Variants in CNTNAP4 observed in about 807,000 individuals in gnomAD.
CNTNAP4 encodes the protein contactin associated protein family member 4.
CNTNAP4 carries 98 observed loss-of-function variants against 148.4 expected under a neutral mutation model. That is an observed-to-expected ratio of 0.66 (90% CI 0.56 to 0.78). CNTNAP4 has a LOEUF of 0.78. CNTNAP4 is among the 30% of genes least tolerant of loss of function. The pLI is 0.00. For synonymous variants in CNTNAP4, 730 were observed against 565.1 expected, an observed-to-expected ratio of 1.29 and a Z score of -4.14; for missense variants, 1,935 against 1,565.6, an observed-to-expected ratio of 1.24 and a Z score of -3.98.
At chr16:76,361,152 TTAA>T (rs2013391494) in intron 3 of CNTNAP4, among the ~76,000 whole-genome samples, 1 of 151,960 alleles carries the variant, frequency 6.6e-6, no homozygotes, top group African/African-American at 2.4e-5. Flanking sequence ...AAAAAAAAAC[TTAA>T]CATGAAATCT....
At chr16:76,283,638 A>G (rs1425292985) in intron 1 of CNTNAP4, among the ~76,000 whole-genome samples, 2 of 151,920 alleles carry the variant, frequency 1.3e-5, no homozygotes, top group African/African-American at 4.8e-5. Flanking sequence ...GAGGGAAACA[A>G]CACACACTGG....
Position 76,448,951 on chromosome 16 carries a change from G to A in CNTNAP4, c.927G>A (p.Glu309=), listed in dbSNP as rs1234030561. ...GEFNLMNLDY[E]ISFGGIPAPG... ...TCAATCTCATGAATCTTGATTATGAGGTGTGATGGTTATGTTTCAATTAAT... is the reference window on the plus strand; with the variant it reads ...TCAATCTCATGAATCTTGATTATGAAGTGTGATGGTTATGTTTCAATTAAT... Residue 309 remains glutamate (E), a splice_region_variant and synonymous_variant, in exon 6 of 24, where the codon GAG becomes GAA. Coordinates refer to ENST00000611870, the MANE Select transcript of CNTNAP4 (RefSeq NM_033401.5). The A allele has an allele frequency of 6.2e-7, 1 of 1,611,752 alleles. No individual in the cohort carries two copies. The highest frequency in any genetic ancestry group is 1.3e-5 in the African/African-American group (1 of 74,850).
chr16:76,482,418 C>A (rs1302838192), intron 12 of CNTNAP4, among the ~76,000 whole-genome samples: 1 of 144,456 alleles, frequency 6.9e-6, no homozygotes, highest in Non-Finnish European at 1.5e-5. Flanking sequence ...AGATCATAAG[C>A]TCTGTTTTAC....
At chr16:76,424,341 A>G (rs8043542) in intron 3 of CNTNAP4, among the ~76,000 whole-genome samples, 59,274 of 151,952 alleles carry the variant, frequency 0.39, 11,755 homozygotes, top group Middle Eastern at 0.49. Flanking sequence ...GCAAGAAATT[A>G]TAATTAGGGA....
intron 2 of CNTNAP4, among the ~76,000 whole-genome samples, chr16:76,349,124 T>C (rs2144431841): frequency 6.6e-6 from 1 of 152,254 alleles, no homozygotes. Context: ...GATCTTGTTT[T>C]CAGAACTTGA....
intron 3 of CNTNAP4, among the ~76,000 whole-genome samples, chr16:76,359,690 T>C (rs1255650869): frequency 6.6e-6 from 1 of 152,196 alleles, no homozygotes. Context: ...TTATACAAAG[T>C]ATTCTGCTGA....
At chr16:76,323,814 C>T (rs922520363) in intron 2 of CNTNAP4, among the ~76,000 whole-genome samples, 6 of 152,196 alleles carry the variant, frequency 3.9e-5, no homozygotes, top group Admixed American at 6.5e-5. Context: ...TGGTGTCATC[C>T]GTGGGAATGC....
At chr16:76,329,398 CTATT>C (rs1212281302) in intron 2 of CNTNAP4, among the ~76,000 whole-genome samples, 3 of 152,170 alleles carry the variant, frequency 2.0e-5, no homozygotes, top group Non-Finnish European at 4.4e-5. Context: ...GTAATACTTT[CTATT>C]TGTTTATAGC....
At chr16:76,339,194 T>TA (rs1279258699) in intron 2 of CNTNAP4, among the ~76,000 whole-genome samples, 1 of 141,786 alleles carries the variant, frequency 7.1e-6, no homozygotes, top group Admixed American at 7.8e-5. Flanking sequence ...GAGTGGTCTT[T>TA]TTAACTGTCT....
intron 3 of CNTNAP4, among the ~76,000 whole-genome samples, chr16:76,378,262 A>C (rs2015628603): frequency 6.6e-6 from 1 of 152,188 alleles, no homozygotes; most frequent in Admixed American, 6.5e-5. Flanking sequence ...ATTTTCAGTT[A>C]TACTCCCTAA....
intron 9 of CNTNAP4, among the ~76,000 whole-genome samples, chr16:76,462,489 T>C (rs1318568641): frequency 2.0e-5 from 3 of 152,178 alleles, no homozygotes; most frequent in African/African-American, 7.2e-5. Flanking sequence ...CCTTATTGCT[T>C]CCCTACTGTC....
intron 1 of CNTNAP4, among the ~76,000 whole-genome samples, chr16:76,315,359 G>A (rs546189656): frequency 2.7e-4 from 41 of 152,242 alleles, no homozygotes; most frequent in Non-Finnish European, 4.7e-4. Context: ...GAGGACCTAC[G>A]TATATCAAAG....
chr16:76,526,256 T>C (rs1417582818), intron 17 of CNTNAP4, among the ~76,000 whole-genome samples: 1 of 152,058 alleles, frequency 6.6e-6, no homozygotes. Context: ...GAATAAGCTT[T>C]AGGGATTCAA....
At chr16:76,315,433 A>G (rs1286870777) in intron 1 of CNTNAP4, among the ~76,000 whole-genome samples, 3 of 152,196 alleles carry the variant, frequency 2.0e-5, no homozygotes, top group Non-Finnish European at 4.4e-5. Flanking sequence ...TTGTTTTTAT[A>G]AAAGTAGTTG....
chr16:76,331,292 A>G (rs568797533), intron 2 of CNTNAP4, among the ~76,000 whole-genome samples: 1 of 151,708 alleles, frequency 6.6e-6, no homozygotes, highest in African/African-American at 2.4e-5. Context: ...GGTTCACACC[A>G]TTGTCCTGTC....
At chr16:76,409,747 T>G (rs1189045903) in intron 3 of CNTNAP4, among the ~76,000 whole-genome samples, 1 of 151,994 alleles carries the variant, frequency 6.6e-6, no homozygotes, top group African/African-American at 2.4e-5. Flanking sequence ...AATTGTCACT[T>G]TGATCAAAGC....
At chr16:76,525,646 CTA>C (rs2083692179) in intron 17 of CNTNAP4, among the ~76,000 whole-genome samples, 1 of 136,896 alleles carries the variant, frequency 7.3e-6, no homozygotes, top group Non-Finnish European at 1.6e-5. Context: ...TACATATAAA[CTA>C]TAAAATTATA....
rs768991569 is a variant in CNTNAP4, at chr16:76,494,994, G to A, written c.2165G>A (p.Cys722Tyr). ...GGTTCTTCGCCTGATCTTCAAAAAT[G>A]TACTTGTGGATTAGAGGGAAACTGC... ...WGGSSPDLQK[C>Y]TCGLEGNCID... The change falls in exon 14 of 24, where the codon TGT becomes TAT. Residue 722 changes from cysteine (C) to tyrosine (Y), a missense_variant. Cys to Tyr is a radical substitution (Grantham distance 194). Transcript: ENST00000611870. 12 of 1,613,474 alleles carry A rather than the reference G, an allele frequency of 7.4e-6. No homozygotes were observed. Among genetic ancestry groups the A allele is most frequent in the Non-Finnish European group, 9.3e-6 (11 of 1,179,638 alleles).
chr16:76,522,722 T>TC (rs1167940684), intron 17 of CNTNAP4, among the ~76,000 whole-genome samples: 1,267 of 74,802 alleles, frequency 0.017, 142 homozygotes, highest in Admixed American at 0.05. Flanking sequence ...TTTTCTTTTC[T>TC]TTTCTTTTCT....
Sources: allele counts gnomAD v4.1 joint callset (sites outside exome capture counted in the v4.1 genomes callset), GRCh38; gene constraint gnomAD v4.1.1; transcripts MANE v1.5; gene names NCBI Gene and HGNC (gene_info 2026-07-23, HGNC 2026-07-21).